Variants in ZNF804B observed in about 807,000 individuals in gnomAD.
ZNF804B encodes zinc finger protein 804B.
Under a neutral mutation model 101.4 loss-of-function variants are expected in ZNF804B, and 80 were observed. The ratio of observed to expected loss-of-function variants is 0.79; its 90% CI spans 0.66 to 0.95. The LOEUF (loss-of-function observed/expected upper bound fraction) is 0.95. ZNF804B is among the 40% of genes least tolerant of loss of function. The pLI, the probability that ZNF804B is intolerant of heterozygous loss-of-function variation, is 0.00. For synonymous variants in ZNF804B, 622 were observed against 558.8 expected (o/e 1.11, Z -1.59); for missense variants, 1,673 against 1,561.9 (o/e 1.07, Z -1.20).
intron 1 of ZNF804B, among the ~76,000 whole-genome samples, chr7:88,854,422 T>TCTTC (rs1491208764): frequency 0.018 from 1,842 of 100,104 alleles, 53 homozygotes; most frequent in Middle Eastern, 0.038. Flanking sequence ...TTCCTTTCTT[T>TCTTC]CTTTCTTTCT....
At chr7:89,075,936 C>A (rs899678909) in intron 1 of ZNF804B, among the ~76,000 whole-genome samples, 1 of 152,208 alleles carries the variant, frequency 6.6e-6, no homozygotes, top group South Asian at 2.1e-4. Flanking sequence ...TTAAGATTTG[C>A]ATGGGGCCTG....
rs1272070796 is a variant in ZNF804B, at chr7:89,336,862, A to G, written c.3880A>G (p.Thr1294Ala). Residue 1294 changes from threonine (T) to alanine (A), a missense_variant, in exon 4 of 4, where the codon ACA (threonine) becomes GCA (alanine). Thr to Ala is a moderately conservative substitution (Grantham distance 58). Coordinates refer to ENST00000333190, the MANE Select transcript of ZNF804B (RefSeq NM_181646.5). ...QPLPPTAFIPTLFGPHLNPAT... is the reference protein window; with the variant it reads ...QPLPPTAFIPALFGPHLNPAT... ...TCTGCCCCCTACAGCATTTATTCCT[A>G]CATTGTTTGGTCCTCACTTAAATCC... The G allele has an allele frequency of 1.2e-6, 2 of 1,613,952 alleles. No individual in the cohort carries two copies. The highest frequency in any genetic ancestry group is 1.1e-5 in the South Asian group (1 of 91,066).
At chr7:89,024,018 G>A (rs780388842) in intron 1 of ZNF804B, among the ~76,000 whole-genome samples, 2 of 152,176 alleles carry the variant, frequency 1.3e-5, no homozygotes, top group Non-Finnish European at 2.9e-5. Flanking sequence ...CATCACATAT[G>A]TTCTCCTACA....
At chr7:88,801,230 T>G (rs1790576579) in intron 1 of ZNF804B, among the ~76,000 whole-genome samples, 1 of 151,846 alleles carries the variant, frequency 6.6e-6, no homozygotes, top group African/African-American at 2.4e-5. Context: ...TGTAGTTTGT[T>G]AAAACCTCTC....
chr7:88,892,965 T>C (rs1792234605), intron 1 of ZNF804B, among the ~76,000 whole-genome samples: 1 of 152,168 alleles, frequency 6.6e-6, no homozygotes, highest in Non-Finnish European at 1.5e-5. Context: ...TCCCATTGTC[T>C]TCCTATCAGA....
At chr7:89,065,759 G>T (rs1287272930) in intron 1 of ZNF804B, among the ~76,000 whole-genome samples, 1 of 152,026 alleles carries the variant, frequency 6.6e-6, no homozygotes, top group Non-Finnish European at 1.5e-5. Context: ...CATTCCCAGG[G>T]TTGTAACTCC....
chr7:88,878,665 A>G (rs1281091634), intron 1 of ZNF804B, among the ~76,000 whole-genome samples: 3 of 152,210 alleles, frequency 2.0e-5, no homozygotes, highest in Non-Finnish European at 4.4e-5. Flanking sequence ...TGAAATAATC[A>G]TGAAGAAATT....
At chr7:89,009,355 A>T (rs1347099704) in intron 1 of ZNF804B, among the ~76,000 whole-genome samples, 3 of 152,018 alleles carry the variant, frequency 2.0e-5, no homozygotes, top group African/African-American at 7.2e-5. Context: ...ATATGTATCC[A>T]CTCTCAATCT....
intron 1 of ZNF804B, among the ~76,000 whole-genome samples, chr7:89,192,266 C>T (rs1402406153): frequency 6.6e-6 from 1 of 151,994 alleles, no homozygotes; most frequent in East Asian, 1.9e-4. Context: ...TTCCTTCCTT[C>T]TCTCTTTTCA....
intron 1 of ZNF804B, among the ~76,000 whole-genome samples, chr7:89,089,819 T>C (rs1789855798): frequency 6.6e-6 from 1 of 152,150 alleles, no homozygotes; most frequent in Non-Finnish European, 1.5e-5. Flanking sequence ...ACTTTCAACA[T>C]ATCATTTCTT....
At chr7:89,227,759 T>C (rs1304627546) in intron 2 of ZNF804B, among the ~76,000 whole-genome samples, 1 of 152,086 alleles carries the variant, frequency 6.6e-6, no homozygotes, top group Non-Finnish European at 1.5e-5. Flanking sequence ...GTTTGGGAAA[T>C]AGGGCCATTT....
chr7:89,245,562 A>C (rs1234610793), intron 2 of ZNF804B, among the ~76,000 whole-genome samples: 1 of 152,216 alleles, frequency 6.6e-6, no homozygotes, highest in Non-Finnish European at 1.5e-5. Flanking sequence ...AAATTGTAAG[A>C]ATTACACCTA....
chr7:88,820,020 A>G (rs545287996), intron 1 of ZNF804B, among the ~76,000 whole-genome samples: 2 of 152,320 alleles, frequency 1.3e-5, no homozygotes, highest in Middle Eastern at 6.8e-3. Flanking sequence ...TTAAGTTGTA[A>G]TGAAAGCTCT....
In ZNF804B at chr7:88,989,315, T is replaced by A. The variant is rs1335372382; in HGVS notation, c.109-228840T>A. On this transcript the variant is annotated intron_variant, in intron 1 of 3. Transcript: ENST00000333190. ...TCTCCAGGGTTGGCAACCATTTCAA[T>A]ATGTAATTTCAAAGGAGATTTTGTT... Among the ~76,000 whole-genome samples, 4 of 152,102 alleles carry A rather than the reference T, an allele frequency of 2.6e-5. No homozygotes were observed. The East Asian group carries it at 7.7e-4, about 29-fold the overall frequency.
intron 1 of ZNF804B, among the ~76,000 whole-genome samples, chr7:88,815,202 T>C (rs1790857264): frequency 6.8e-6 from 1 of 147,928 alleles, no homozygotes; most frequent in African/African-American, 2.4e-5. Flanking sequence ...TATTTTTATA[T>C]ATTCTCTATA....
At chr7:88,820,548 G>C (rs1021082087) in intron 1 of ZNF804B, among the ~76,000 whole-genome samples, 2 of 152,126 alleles carry the variant, frequency 1.3e-5, no homozygotes, top group African/African-American at 4.8e-5. Context: ...CTGAATTCTG[G>C]GTGGCTTGCA....
intron 2 of ZNF804B, among the ~76,000 whole-genome samples, chr7:89,222,498 A>G (rs1730138121): frequency 6.6e-6 from 1 of 151,860 alleles, no homozygotes; most frequent in African/African-American, 2.4e-5. Context: ...TTGATGACTG[A>G]TTTTGGAAAG....
At chr7:89,026,490 G>A (rs1286727281) in intron 1 of ZNF804B, among the ~76,000 whole-genome samples, 2 of 152,148 alleles carry the variant, frequency 1.3e-5, no homozygotes, top group African/African-American at 2.4e-5. Flanking sequence ...AGAATAAATT[G>A]AAGAAAGGCC....
chr7:88,781,909 CA>C (rs1398388984), intron 1 of ZNF804B, among the ~76,000 whole-genome samples: 4 of 152,128 alleles, frequency 2.6e-5, no homozygotes, highest in African/African-American at 9.7e-5. Flanking sequence ...TGAGAGGACT[CA>C]GGGGTAGAAA....
Sources: allele counts gnomAD v4.1 joint callset (sites outside exome capture counted in the v4.1 genomes callset), GRCh38; gene constraint gnomAD v4.1.1; transcripts MANE v1.5; gene names NCBI Gene and HGNC (gene_info 2026-07-23, HGNC 2026-07-21).